TENM2: variants seen among roughly 807,000 people sequenced by gnomAD.
The protein encoded by TENM2 is teneurin transmembrane protein 2, also known as teneurin-2.
In TENM2, 52 loss-of-function variants were observed where a neutral mutation model predicts 245.2. The observed-to-expected ratio is 0.21, with a 90% CI of 0.17 to 0.27. The LOEUF (loss-of-function observed/expected upper bound fraction) is 0.27, where lower values mean the gene tolerates loss of function less well. Ranked by LOEUF, TENM2 falls within the 10% of genes least tolerant of loss-of-function variation. The probability of loss-of-function intolerance (pLI) is 1.00; values close to 1 mark genes in which losing one functional copy is unlikely to be tolerated. For missense variants in TENM2, 3,046 were observed against 3,666.8 expected (o/e 0.83, Z 4.37); for synonymous variants, 1,363 against 1,438.9 (o/e 0.95, Z 1.19).
intron 2 of TENM2, among the ~76,000 whole-genome samples, chr5:167,843,002 C>T (rs1018244998): frequency 4.6e-5 from 7 of 152,074 alleles, no homozygotes; most frequent in Admixed American, 2.6e-4. Context: ...TACCTCAATT[C>T]GCAACAACAC....
chr5:167,527,452 T>C (rs1771198684), intron 2 of TENM2, among the ~76,000 whole-genome samples: 1 of 152,152 alleles, frequency 6.6e-6, no homozygotes, highest in South Asian at 2.1e-4. Flanking sequence ...TTACTCCTCA[T>C]GTGTTGCATT....
At chr5:167,502,190 C>T (rs1267458856) in intron 2 of TENM2, among the ~76,000 whole-genome samples, 1 of 152,150 alleles carries the variant, frequency 6.6e-6, no homozygotes, top group Non-Finnish European at 1.5e-5. Flanking sequence ...GTGGGATGCA[C>T]TGTGGCCATA....
At chr5:167,489,591 A>G (rs939648162) in intron 2 of TENM2, among the ~76,000 whole-genome samples, 1 of 152,086 alleles carries the variant, frequency 6.6e-6, no homozygotes, top group Non-Finnish European at 1.5e-5. Flanking sequence ...ATTTGATGTC[A>G]CTTAGCACCT....
chr5:167,628,730 G>A (rs1778677090), intron 2 of TENM2, among the ~76,000 whole-genome samples: 1 of 152,178 alleles, frequency 6.6e-6, no homozygotes, highest in South Asian at 2.1e-4. Flanking sequence ...TAACCTCTCT[G>A]TCTTCCGTTT....
chr5:168,172,315 T>A (rs887789184), intron 13 of TENM2, among the ~76,000 whole-genome samples: 4 of 152,160 alleles, frequency 2.6e-5, no homozygotes, highest in Non-Finnish European at 5.9e-5. Context: ...ACAGGCAGTG[T>A]CCATGGGCCT....
chr5:168,144,760 A>G (rs982525837), intron 12 of TENM2, among the ~76,000 whole-genome samples: 5 of 152,138 alleles, frequency 3.3e-5, no homozygotes, highest in African/African-American at 1.2e-4. Flanking sequence ...CGCCACACTG[A>G]CTTCCACATG....
At chr5:168,182,130 G>C in intron 13 of TENM2, among the ~76,000 whole-genome samples, 1 of 152,130 alleles carries the variant, frequency 6.6e-6, no homozygotes, top group East Asian at 1.9e-4. Context: ...TGCTTTAAAA[G>C]GTTCGCAATG....
At chr5:167,110,017 T>C in the TENM2 span, among the ~76,000 whole-genome samples, 1 of 152,158 alleles carries the variant, frequency 6.6e-6, no homozygotes, top group Non-Finnish European at 1.5e-5. Context: ...TGCTCCCAAA[T>C]AGGGTAACTT....
chr5:168,207,286 C>A (rs889615690), intron 19 of TENM2, among the ~76,000 whole-genome samples: 2 of 152,160 alleles, frequency 1.3e-5, no homozygotes, highest in Non-Finnish European at 2.9e-5. Context: ...AAAACACAGA[C>A]CCGTCTCCTC....
chr5:167,743,510 G>GT (rs1231736434), intron 2 of TENM2, among the ~76,000 whole-genome samples: 1 of 152,114 alleles, frequency 6.6e-6, no homozygotes, highest in Non-Finnish European at 1.5e-5. Flanking sequence ...AAATAAATAA[G>GT]TTTTTAAAAA....
intron 1 of TENM2, among the ~76,000 whole-genome samples, chr5:167,312,011 C>A (rs990715438): frequency 6.6e-6 from 1 of 152,128 alleles, no homozygotes; most frequent in South Asian, 2.1e-4. Context: ...ACCTCAATTT[C>A]TTTGCAATAG....
chr5:167,388,885 C>T lies in TENM2; in HGVS notation c.502+13412C>T, dbSNP rs1761598180. Among the ~76,000 whole-genome samples the T allele has an allele frequency of 4.6e-5, 7 of 151,930 alleles. No homozygotes were observed. In the South Asian group the frequency reaches 1.5e-3, roughly 32 times the overall value. On this transcript the variant is annotated intron_variant, in intron 2 of 28. Coordinates refer to ENST00000518659, the Ensembl canonical transcript of TENM2. ...GAGTGTTTGATATAATTGTGTTGTG[C>T]TTTTTCTAACTTTTTAAAGATGAGT...
intron 1 of TENM2, among the ~76,000 whole-genome samples, chr5:167,342,460 C>T (rs1327136649): frequency 6.9e-6 from 1 of 145,708 alleles, no homozygotes; most frequent in African/African-American, 2.5e-5. Context: ...TAACCCTGGT[C>T]ATCTGACTGC....
chr5:167,443,889 GTTTAA>G (rs536625594), intron 2 of TENM2, among the ~76,000 whole-genome samples: 4 of 152,112 alleles, frequency 2.6e-5, no homozygotes, highest in African/African-American at 7.2e-5. Context: ...TTTTTGTAGT[GTTTAA>G]TTTAATGGTA....
chr5:168,114,153 C>T (rs56397309), intron 9 of TENM2, among the ~76,000 whole-genome samples: 2 of 152,286 alleles, frequency 1.3e-5, no homozygotes, highest in Non-Finnish European at 2.9e-5. Context: ...TACCAAGTGT[C>T]AGCCACTCCT....
At chr5:167,916,032 A>G (rs1414151179) in intron 3 of TENM2, among the ~76,000 whole-genome samples, 5 of 152,202 alleles carry the variant, frequency 3.3e-5, no homozygotes, top group African/African-American at 1.2e-4. Flanking sequence ...GGCCTAATTT[A>G]TAGGTTTGTG....
chr5:167,229,257 C>T, the TENM2 span, among the ~76,000 whole-genome samples: 1 of 152,180 alleles, frequency 6.6e-6, no homozygotes, highest in Non-Finnish European at 1.5e-5. Context: ...CTGCAGGCCC[C>T]AGTGGTGGCA....
At chr5:168,139,265 T>A (rs1755329404) in intron 12 of TENM2, among the ~76,000 whole-genome samples, 1 of 152,228 alleles carries the variant, frequency 6.6e-6, no homozygotes, top group African/African-American at 2.4e-5. Flanking sequence ...AGGTGGCAAC[T>A]CATTAAAATT....
At chr5:167,864,377 A>G (rs922984790) in intron 2 of TENM2, among the ~76,000 whole-genome samples, 1 of 152,224 alleles carries the variant, frequency 6.6e-6, no homozygotes, top group Non-Finnish European at 1.5e-5. Flanking sequence ...GGAATAGAAC[A>G]CCTATCTCTT....
Sources: allele counts gnomAD v4.1 joint callset (sites outside exome capture counted in the v4.1 genomes callset), GRCh38; gene constraint gnomAD v4.1.1; transcripts MANE v1.5; gene names NCBI Gene and HGNC (gene_info 2026-07-23, HGNC 2026-07-21).